ERBB4: variants seen among roughly 807,000 people sequenced by gnomAD.
The protein encoded by ERBB4 is erb-b2 receptor tyrosine kinase 4, also known as receptor tyrosine-protein kinase erbB-4.
In ERBB4, 42 loss-of-function variants were observed where a neutral mutation model predicts 158.0. That is an observed-to-expected ratio of 0.27 (90% CI 0.21 to 0.34). ERBB4 has a LOEUF of 0.34. ERBB4 is among the 10% of genes least tolerant of loss of function. The probability of loss-of-function intolerance (pLI) is 1.00; values close to 1 mark genes in which losing one functional copy is unlikely to be tolerated. For synonymous variants in ERBB4, 583 were observed against 558.7 expected (o/e 1.04, Z -0.61); for missense variants, 1,333 against 1,624.1 (o/e 0.82, Z 3.08).
intron 19 of ERBB4, among the ~76,000 whole-genome samples, chr2:211,604,434 T>C (rs2068908076): frequency 6.6e-6 from 1 of 152,174 alleles, no homozygotes; most frequent in South Asian, 2.1e-4. Flanking sequence ...TTGAGAAGGA[T>C]AAACCCAAAT....
chr2:211,908,895 T>A lies in ERBB4; in HGVS notation c.421+38535A>T, dbSNP rs1442466415. On this transcript the variant is annotated intron_variant, in intron 3 of 27. Coordinates refer to ENST00000342788, the MANE Select transcript of ERBB4 (RefSeq NM_005235.3). ...AAATAACTGTATCACAAATAAAAAA[T>A]TAATATATATTATAAGCTAGATAAG... Among the ~76,000 whole-genome samples, 2 of 151,500 alleles carry A rather than the reference T, an allele frequency of 1.3e-5. 1 individual carries two copies. The highest frequency in any genetic ancestry group is 2.9e-5 in the Non-Finnish European group (2 of 67,886).
At chr2:211,937,092 T>C (rs2125111706) in intron 3 of ERBB4, among the ~76,000 whole-genome samples, 1 of 152,350 alleles carries the variant, frequency 6.6e-6, no homozygotes, top group Middle Eastern at 3.4e-3. Flanking sequence ...ACATACAGTT[T>C]TGGATCTAAT....
chr2:211,878,837 A>G (rs571267060), intron 3 of ERBB4, among the ~76,000 whole-genome samples: 1 of 152,114 alleles, frequency 6.6e-6, no homozygotes, highest in Non-Finnish European at 1.5e-5. Flanking sequence ...AACAAAAAAC[A>G]AAAATTGCAT....
At chr2:211,719,071 T>G (rs1292688908) in intron 7 of ERBB4, among the ~76,000 whole-genome samples, 4 of 152,214 alleles carry the variant, frequency 2.6e-5, no homozygotes, top group African/African-American at 9.7e-5. Context: ...AGTCTCTTTT[T>G]GATTTTATAA....
At chr2:212,305,419 A>G (rs2106219991) in intron 1 of ERBB4, among the ~76,000 whole-genome samples, 1 of 151,450 alleles carries the variant, frequency 6.6e-6, no homozygotes, top group African/African-American at 2.4e-5. Context: ...AATAAATAGT[A>G]TTTAATTGGT....
intron 3 of ERBB4, among the ~76,000 whole-genome samples, chr2:211,934,721 C>A (rs115414444): frequency 0.035 from 5,331 of 151,742 alleles, 126 homozygotes; most frequent in Middle Eastern, 0.088. Context: ...CTATGAAGTC[C>A]GTGCCCAATT....
At chr2:212,330,280 A>T (rs2088073606) in intron 1 of ERBB4, among the ~76,000 whole-genome samples, 1 of 151,958 alleles carries the variant, frequency 6.6e-6, no homozygotes, top group African/African-American at 2.4e-5. Flanking sequence ...TTATGAGTTA[A>T]GCAGTAGAAA....
rs188443844 is a variant in ERBB4 at position 211,794,443 on chromosome 2, A to G, written c.422-6284T>C. ...CCCTCAAGGATTAGAACTATGATGTACACCTCTTTGTGTCCCTAGTGCCAA... is the reference window on the plus strand; with the variant it reads ...CCCTCAAGGATTAGAACTATGATGTGCACCTCTTTGTGTCCCTAGTGCCAA... On this transcript the variant is annotated intron_variant, in intron 3 of 27. Coordinates refer to ENST00000342788, the MANE Select transcript of ERBB4 (RefSeq NM_005235.3). 7.4e-4 allele frequency among the ~76,000 whole-genome samples: 112 copies of G among 152,054 alleles called. 1 individual carries two copies. In the South Asian group the frequency reaches 0.01, roughly 14 times the overall value.
chr2:211,456,558 A>T (rs1360538128), intron 20 of ERBB4, among the ~76,000 whole-genome samples: 3 of 152,206 alleles, frequency 2.0e-5, no homozygotes, highest in African/African-American at 7.2e-5. Flanking sequence ...AGGTGGATGT[A>T]TTAAATATAT....
At chr2:212,232,055 C>T (rs1380538652) in intron 1 of ERBB4, among the ~76,000 whole-genome samples, 6 of 152,066 alleles carry the variant, frequency 3.9e-5, no homozygotes, top group African/African-American at 1.2e-4. Flanking sequence ...ATCTGTGTGA[C>T]AGTGAAGAAA....
intron 1 of ERBB4, among the ~76,000 whole-genome samples, chr2:212,381,748 T>G (rs903498786): frequency 4.6e-5 from 7 of 151,278 alleles, no homozygotes; most frequent in African/African-American, 1.5e-4. Context: ...AAAAATAAAT[T>G]TATTCATAAA....
chr2:211,904,793 C>G (rs2079332650), intron 3 of ERBB4, among the ~76,000 whole-genome samples: 1 of 151,914 alleles, frequency 6.6e-6, no homozygotes, highest in Non-Finnish European at 1.5e-5. Flanking sequence ...GAACAATTAC[C>G]TTCACTCACT....
At chr2:212,010,226 T>C (rs960831718) in intron 2 of ERBB4, among the ~76,000 whole-genome samples, 1 of 152,142 alleles carries the variant, frequency 6.6e-6, no homozygotes, top group Admixed American at 6.5e-5. Flanking sequence ...TATGACTCTC[T>C]TGAAGACATG....
Position 211,380,308 on chromosome 2 carries a change from C to A in ERBB4, c.*3307G>T, listed in dbSNP as rs2062553245. On this transcript the variant is annotated 3_prime_UTR_variant, in exon 28 of 28. Transcript: ENST00000342788. ...CTATCCTAGATCAGAGGCCATCTTT[C>A]CTCACCTGTTTACCACTTTCTTTAG... The A allele has an allele frequency of 4.3e-6, 1 of 232,346 alleles. No individual in the cohort carries two copies. The highest frequency in any genetic ancestry group is 8.5e-6 in the Non-Finnish European group (1 of 117,544). The allele number at this position is 232,346 out of a possible 1,614,324, so 14.4% of individuals were successfully genotyped here. A position where few individuals can be genotyped will look rare whatever the true frequency, so the allele number is the denominator to read the frequency against.
chr2:211,902,831 G>C (rs534018812), intron 3 of ERBB4, among the ~76,000 whole-genome samples: 1 of 151,832 alleles, frequency 6.6e-6, no homozygotes, highest in African/African-American at 2.4e-5. Flanking sequence ...GAAATGGCTA[G>C]AAATTAAGAG....
chr2:211,477,467 A>C (rs1306546805), intron 20 of ERBB4, among the ~76,000 whole-genome samples: 1 of 152,148 alleles, frequency 6.6e-6, no homozygotes, highest in African/African-American at 2.4e-5. Context: ...GGCAAAAATA[A>C]AATACAGTGT....
intron 1 of ERBB4, among the ~76,000 whole-genome samples, chr2:212,379,607 C>T (rs76819807): frequency 0.018 from 2,757 of 151,446 alleles, 74 homozygotes; most frequent in East Asian, 0.066. Flanking sequence ...ATTTCCACAG[C>T]TCTTTAACTT....
At chr2:211,390,464 T>A (rs949819049) in intron 25 of ERBB4, among the ~76,000 whole-genome samples, 2 of 152,246 alleles carry the variant, frequency 1.3e-5, no homozygotes, top group African/African-American at 4.8e-5. Flanking sequence ...TACTGGGTAA[T>A]GTTTGACTAG....
chr2:212,157,512 A>G (rs1388834266), intron 1 of ERBB4, among the ~76,000 whole-genome samples: 1 of 152,114 alleles, frequency 6.6e-6, no homozygotes, highest in Non-Finnish European at 1.5e-5. Context: ...ATTTACTTAC[A>G]GCAAAATCAT....
Sources: gnomAD v4.1 joint callset for allele counts (sites outside exome capture counted in the v4.1 genomes callset) on GRCh38, gnomAD v4.1.1 for gene constraint, MANE v1.5 for transcripts, NCBI Gene and HGNC (gene_info 2026-07-23, HGNC 2026-07-21) for gene names.